The following ZNF433 variants were observed in gnomAD, a reference collection of about 807,000 sequenced individuals.
ZNF433 encodes zinc finger protein 433.
In ZNF433, 12 loss-of-function variants were observed where a neutral mutation model predicts 10.6. That is an observed-to-expected ratio of 1.13 (90% confidence interval 0.72 to 1.83). ZNF433 has a LOEUF of 1.83. Ranked by LOEUF, ZNF433 falls within the 40% of genes most tolerant of loss-of-function variation. The probability of loss-of-function intolerance (pLI) is 0.00; values close to 1 mark genes in which losing one functional copy is unlikely to be tolerated. For missense variants in ZNF433, 737 were observed against 798.0 expected (o/e 0.92, Z 0.92); for synonymous variants, 272 against 271.3 (o/e 1.00, Z -0.02).
intron 1 of ZNF433, chr19:12,027,069 C>T (rs1974775164): frequency 2.2e-6 from 1 of 447,938 alleles, no homozygotes; most frequent in East Asian, 7.0e-5. Flanking sequence ...TTGGATATTG[C>T]AAAATTAAAA....
At position 12,014,816 on chromosome 19, in the gene ZNF433, C is replaced by T. The variant is rs969810273; in HGVS notation, c.*29G>A. On this transcript the variant is annotated 3_prime_UTR_variant, in exon 4 of 4. Transcript: ENST00000550507. ...CTTGAACTCCTGGGCTTAAGCAGTC[C>T]CCCCACCTCAGCCTCCTAAAGCCTG... 4 of 1,491,028 alleles carry T rather than the reference C, an allele frequency of 2.7e-6. No individual in the cohort carries two copies. The South Asian group carries it at 4.1e-5, about 15-fold the overall frequency. 92.4% of individuals were successfully genotyped at this position (1,491,028 alleles called of 1,614,324 possible). A position where few individuals can be genotyped will look rare whatever the true frequency, so the allele number is the denominator to read the frequency against.
chr19:12,022,091 G>T, intron 1 of ZNF433: 1 of 439,230 alleles, frequency 2.3e-6, no homozygotes, highest in South Asian at 1.6e-5. Context: ...TGACATGTTC[G>T]TGATGGCCAT....
chr19:12,014,912 C>T lies in ZNF433; in HGVS notation c.1946G>A (p.Gly649Asp), dbSNP rs1054502842. The change falls in exon 4 of 4, where the codon GGT becomes GAT. Residue 649 changes from glycine (G) to aspartate (D), a missense_variant. Coordinates refer to ENST00000550507, the MANE Select transcript of ZNF433 (RefSeq NM_001308348.2). The part of the protein sequence containing the change: ...GEKPYKCNQC[G>D]KVFRCSSQLQ... ...TTGTGAAGAACATCTAAAGACTTTA[C>T]CACATTGGTTACATTTATAGGGTTT... is the stretch of plus-strand genomic sequence containing the variant. 1.9e-6 allele frequency: 3 copies of T among 1,613,598 alleles called. No individual in the cohort carries two copies. The highest frequency in any genetic ancestry group is 2.5e-6 in the Non-Finnish European group (3 of 1,179,764).
At chr19:12,031,294 C>CAAAAAAAA (rs536658747) in intron 1 of ZNF433, among the ~76,000 whole-genome samples, 2 of 36,500 alleles carry the variant, frequency 5.5e-5, no homozygotes, top group African/African-American at 2.6e-4. Flanking sequence ...GACTCCATCT[C>CAAAAAAAA]AAAAAAAAAA....
At chr19:12,035,011 A>AT (rs1353177533) in intron 1 of ZNF433, 1 of 367,062 alleles carries the variant, frequency 2.7e-6, no homozygotes, top group Non-Finnish European at 5.5e-6. Context: ...ACAGCTTGGC[A>AT]TTTTCCGTTA....
intron 1 of ZNF433, chr19:12,022,302 G>A (rs1332079610): frequency 7.5e-6 from 2 of 266,162 alleles, no homozygotes; most frequent in Non-Finnish European, 1.6e-5. Context: ...TTTCCCAAAA[G>A]GAATACTTTT....
At chr19:12,024,505 T>C (rs1291384527) in intron 1 of ZNF433, 2 of 152,254 alleles carry the variant, frequency 1.3e-5, no homozygotes, top group Admixed American at 6.5e-5. Context: ...TACTAAGGGA[T>C]ATCAACTGGA....
chr19:12,025,206 A>G (rs1047078261), intron 1 of ZNF433: 1 of 152,204 alleles, frequency 6.6e-6, no homozygotes, highest in African/African-American at 2.4e-5. Context: ...TGCTTTTGAT[A>G]TGCCTATTAA....
Position 12,029,309 on chromosome 19 carries a change from G to A in ZNF433, c.3+6228C>T, listed in dbSNP as rs569797700. 2.4e-3 allele frequency among the ~76,000 whole-genome samples: 359 copies of A among 151,950 alleles called. 2 individuals carry two copies. The highest frequency in any genetic ancestry group is 8.3e-3 in the African/African-American group (344 of 41,446). ...GGTGGAGGTGGGCGCATCACCTGAGGTCAGGAGTTCAAGACCAGCCTAGCC... is the reference window on the plus strand; with the variant it reads ...GGTGGAGGTGGGCGCATCACCTGAGATCAGGAGTTCAAGACCAGCCTAGCC... On this transcript the variant is annotated intron_variant, in intron 1 of 3. Transcript: ENST00000550507.
At chr19:12,022,850 C>T (rs780390779) in intron 1 of ZNF433, among the ~76,000 whole-genome samples, 1 of 152,160 alleles carries the variant, frequency 6.6e-6, no homozygotes, top group Non-Finnish European at 1.5e-5. Flanking sequence ...AGTGGCCTGA[C>T]CCACCAGATC....
At position 12,030,081 on chromosome 19, in the gene ZNF433, CAAAAAAAAA is replaced by C. The variant is rs74180055; in HGVS notation, c.3+5447_3+5455del. ...TGGGTGACAGAGCAAGACTCCATCTCAAAAAAAAAAAAAAAAAAAAAAAAATAGCCATCT... is the reference window on the plus strand; with the variant it reads ...TGGGTGACAGAGCAAGACTCCATCTCAAAAAAAAAAAAAAAATAGCCATCT... On this transcript the variant is annotated intron_variant, in intron 1 of 3. Transcript: ENST00000550507. The C allele has an allele frequency of 7.7e-3, 1,577 of 204,966 alleles. 4 individuals are homozygous for C. The highest frequency in any genetic ancestry group is 0.011 in the Non-Finnish European group (1,193 of 113,608). 12.7% of individuals were successfully genotyped at this position (204,966 alleles called of 1,614,324 possible). A position where few individuals can be genotyped will look rare whatever the true frequency, so the allele number is the denominator to read the frequency against.
At chr19:12,027,255 C>G in intron 1 of ZNF433, 1 of 348,130 alleles carries the variant, frequency 2.9e-6, no homozygotes, top group South Asian at 2.2e-5. Context: ...TTTGTATAGT[C>G]TGCAGATGTG....
intron 1 of ZNF433, chr19:12,024,749 T>G (rs1974658044): frequency 6.6e-6 from 1 of 152,220 alleles, no homozygotes; most frequent in Non-Finnish European, 1.5e-5. Flanking sequence ...AGAGCAGGAC[T>G]TAGTAGAATG....
intron 1 of ZNF433, chr19:12,025,733 G>T (rs1974701547): frequency 6.6e-6 from 1 of 152,234 alleles, no homozygotes; most frequent in African/African-American, 2.4e-5. Context: ...AAACAGGAGA[G>T]TCTTCTGCCT....
intron 1 of ZNF433, chr19:12,024,798 C>T (rs1974659741): frequency 6.6e-6 from 1 of 152,104 alleles, no homozygotes; most frequent in East Asian, 1.9e-4. Flanking sequence ...ACTCTTAACT[C>T]CTTATCTGGA....
Position 12,035,178 on chromosome 19 carries a change from C to G in ZNF433, c.3+359G>C, listed in dbSNP as rs541127581. On this transcript the variant is annotated intron_variant, in intron 1 of 3. Coordinates refer to ENST00000550507, the MANE Select transcript of ZNF433 (RefSeq NM_001308348.2). ...AGAGGAGAAAGGCGCTACTGGGGAC[C>G]CCACAGCCCACCCTCCTCCTACACA... 6.4e-3 allele frequency among the ~76,000 whole-genome samples: 980 copies of G among 152,264 alleles called. 16 individuals carry two copies. Among genetic ancestry groups the G allele is most frequent in the African/African-American group, 0.023 (937 of 41,544 alleles).
intron 1 of ZNF433, chr19:12,026,342 C>T (rs892314992): frequency 2.1e-5 from 5 of 241,330 alleles, no homozygotes; most frequent in Non-Finnish European, 4.1e-5. Context: ...CCAACTGTCA[C>T]GAGCAACAAC....
intron 1 of ZNF433, among the ~76,000 whole-genome samples, chr19:12,029,911 C>T (rs1000341634): frequency 1.3e-5 from 2 of 151,628 alleles, no homozygotes; most frequent in Non-Finnish European, 2.9e-5. Context: ...GAAACCCTGC[C>T]TCTACTAAAG....
chr19:12,026,920 TATA>T (rs1163907322), intron 1 of ZNF433: 3 of 453,970 alleles, frequency 6.6e-6, no homozygotes, highest in Non-Finnish European at 1.3e-5. Flanking sequence ...AACATGGTGG[TATA>T]GTGGCACCTC....
Sources: allele counts gnomAD v4.1 joint callset (sites outside exome capture counted in the v4.1 genomes callset), GRCh38; gene constraint gnomAD v4.1.1; transcripts MANE v1.5; gene names NCBI Gene and HGNC (gene_info 2026-07-23, HGNC 2026-07-21).